The following TMOD1 variants were observed in gnomAD, a reference collection of about 807,000 sequenced individuals.
TMOD1 encodes tropomodulin 1.
TMOD1 carries 17 observed loss-of-function variants against 40.6 expected under a neutral mutation model. The ratio of observed to expected loss-of-function variants is 0.42; its 90% confidence interval spans 0.29 to 0.63. The LOEUF (loss-of-function observed/expected upper bound fraction) is 0.63. Among genes scored for constraint, TMOD1 ranks in the 20% least tolerant of loss-of-function variants. The probability of loss-of-function intolerance (pLI) is 0.22; values close to 1 mark genes in which losing one functional copy is unlikely to be tolerated. For synonymous variants in TMOD1, 181 were observed against 175.0 expected (o/e 1.03, Z -0.27); for missense variants, 391 against 447.6 (o/e 0.87, Z 1.14).
intron 7 of TMOD1, among the ~76,000 whole-genome samples, chr9:97,568,316 A>C (rs1295649995): frequency 6.6e-6 from 1 of 152,184 alleles, no homozygotes; most frequent in African/African-American, 2.4e-5. Flanking sequence ...GCCCACCAGG[A>C]GTATATAGTC....
At chr9:97,533,762 A>C (rs1406514977) in intron 2 of TMOD1, among the ~76,000 whole-genome samples, 8 of 152,272 alleles carry the variant, frequency 5.3e-5, no homozygotes, top group Non-Finnish European at 1.0e-4. Context: ...GTGGCCTCAC[A>C]GCCCTGGGCT....
intron 2 of TMOD1, among the ~76,000 whole-genome samples, chr9:97,542,969 G>A (rs1355509553): frequency 4.6e-5 from 7 of 152,196 alleles, no homozygotes; most frequent in Non-Finnish European, 8.8e-5. Flanking sequence ...CAGAAAGGCT[G>A]CTAAACAATC....
intron 2 of TMOD1, among the ~76,000 whole-genome samples, chr9:97,543,712 T>C (rs1830310047): frequency 6.6e-6 from 1 of 152,218 alleles, no homozygotes; most frequent in Non-Finnish European, 1.5e-5. Flanking sequence ...TAGTCACACA[T>C]TGATGTTTGC....
chr9:97,544,256 G>A (rs528365060), intron 2 of TMOD1, among the ~76,000 whole-genome samples: 1 of 152,290 alleles, frequency 6.6e-6, no homozygotes, highest in South Asian at 2.1e-4. Flanking sequence ...GCATTAGTTA[G>A]GCCAGATGTG....
intron 6 of TMOD1, among the ~76,000 whole-genome samples, chr9:97,565,481 C>G (rs1830712707): frequency 6.6e-6 from 1 of 152,174 alleles, no homozygotes; most frequent in East Asian, 1.9e-4. Flanking sequence ...ACAGAGACAC[C>G]TAGCAAGTCA....
chr9:97,539,971 C>CAA (rs34844299), intron 2 of TMOD1, among the ~76,000 whole-genome samples: 3,088 of 71,616 alleles, frequency 0.043, 143 homozygotes, highest in Non-Finnish European at 0.052. Flanking sequence ...GACTCTGTCT[C>CAA]AAAAAAAAAA....
intron 8 of TMOD1, among the ~76,000 whole-genome samples, chr9:97,589,253 A>G (rs1384897281): frequency 6.7e-6 from 1 of 148,514 alleles, no homozygotes. Context: ...TTGATCTTAT[A>G]TTCTGTAATT....
chr9:97,531,372 G>A (rs1268958729), intron 2 of TMOD1, among the ~76,000 whole-genome samples: 1 of 151,960 alleles, frequency 6.6e-6, no homozygotes, highest in African/African-American at 2.4e-5. Context: ...GCAGTTTTTG[G>A]GGCCAAGGCA....
At chr9:97,588,772 A>G (rs1366174349) in intron 8 of TMOD1, among the ~76,000 whole-genome samples, 1 of 152,172 alleles carries the variant, frequency 6.6e-6, no homozygotes, top group Non-Finnish European at 1.5e-5. Flanking sequence ...TCAATATATA[A>G]GTCTTTACTT....
chr9:97,581,117 T>C (rs1825742436), intron 8 of TMOD1, among the ~76,000 whole-genome samples: 1 of 148,548 alleles, frequency 6.7e-6, no homozygotes, highest in African/African-American at 2.5e-5. Flanking sequence ...TAGCATTAGG[T>C]ATATCTCCCG....
At chr9:97,578,900 T>A (rs1825677875) in intron 8 of TMOD1, among the ~76,000 whole-genome samples, 1 of 152,126 alleles carries the variant, frequency 6.6e-6, no homozygotes, top group African/African-American at 2.4e-5. Flanking sequence ...GCAAGAGACC[T>A]CAAGGAGAGG....
intron 3 of TMOD1, among the ~76,000 whole-genome samples, chr9:97,551,482 C>A (rs1830453668): frequency 1.3e-5 from 2 of 152,140 alleles, no homozygotes; most frequent in Admixed American, 1.3e-4. Context: ...ATTGAATGCA[C>A]CTTGCACCCT....
chr9:97,601,657 G>A lies in TMOD1; in HGVS notation c.*1959G>A. On this transcript the variant is annotated 3_prime_UTR_variant, in exon 10 of 10. Transcript: ENST00000259365. Reference sequence around the variant, plus strand: ...TTTCCGATTTTGCAGGCCACATAGTGTCTGTTGCAACTATTCAACTCTGCC... The same window carrying A: ...TTTCCGATTTTGCAGGCCACATAGTATCTGTTGCAACTATTCAACTCTGCC... The A allele has an allele frequency of 2.4e-6, 2 of 841,808 alleles. No individual in the cohort carries two copies. Among genetic ancestry groups the A allele is most frequent in the Non-Finnish European group, 2.9e-6 (2 of 698,300 alleles). 52.1% of individuals were successfully genotyped at this position (841,808 alleles called of 1,614,324 possible). A position where few individuals can be genotyped will look rare whatever the true frequency, so the allele number is the denominator to read the frequency against.
intron 3 of TMOD1, among the ~76,000 whole-genome samples, chr9:97,549,191 A>G (rs996410785): frequency 6.6e-6 from 1 of 152,252 alleles, no homozygotes; most frequent in Non-Finnish European, 1.5e-5. Context: ...GACTTAATCG[A>G]GGAATTTAAT....
rs1432157793 is a variant in TMOD1 at position 97,502,939 on chromosome 9, C to T, written c.-49+1136C>T. Reference sequence around the variant, plus strand: ...TCCTCCAACCTGCGCAGCGCCGCCCCCTCCTACACCCTTCACCCACCGCTA... The same window carrying T: ...TCCTCCAACCTGCGCAGCGCCGCCCTCTCCTACACCCTTCACCCACCGCTA... On this transcript the variant is annotated intron_variant, in intron 1 of 9. Coordinates refer to ENST00000259365, the MANE Select transcript of TMOD1 (RefSeq NM_003275.4). The surrounding 1 kb of genome is among the most constrained non-coding windows in gnomAD (Gnocchi z 6.1). Among the ~76,000 whole-genome samples the T allele has an allele frequency of 6.6e-6, 1 of 152,038 alleles. No homozygotes were observed. The highest frequency in any genetic ancestry group is 2.4e-5 in the African/African-American group (1 of 41,390).
intron 4 of TMOD1, among the ~76,000 whole-genome samples, chr9:97,558,363 G>A (rs186064833): frequency 6.2e-4 from 94 of 152,274 alleles, no homozygotes; most frequent in African/African-American, 2.2e-3. Flanking sequence ...TGGTTTTGGC[G>A]AACCATTTCC....
In TMOD1 at chr9:97,546,225, C is replaced by A; in HGVS notation, c.161C>A (p.Thr54Asn). The A allele has an allele frequency of 6.2e-7, 1 of 1,613,926 alleles. No individual in the cohort carries two copies. The highest frequency in any genetic ancestry group is 8.5e-7 in the Non-Finnish European group (1 of 1,179,976). The change falls in exon 3 of 10, where the codon ACC (threonine) becomes AAC (asparagine). Residue 54 changes from threonine (T) to asparagine (N), a missense_variant. Physicochemically the swap from Thr to Asn is moderately conservative, Grantham distance 65 (BLOSUM62 0). Transcript: ENST00000259365. ...GCAGGCCTGAGGCAGAAGGATCAGA[C>A]CACCAAGGCGCCCACGGGCCCCTTT... The part of the protein sequence containing the change: ...LPAGLRQKDQ[T>N]TKAPTGPFKR...
chr9:97,599,290 A>C (rs1283676902), intron 9 of TMOD1, among the ~76,000 whole-genome samples: 1 of 152,214 alleles, frequency 6.6e-6, no homozygotes, highest in Non-Finnish European at 1.5e-5. Context: ...CTCATTAAGA[A>C]GACTGACTAA....
At chr9:97,514,358 T>C (rs1829765724) in intron 1 of TMOD1, among the ~76,000 whole-genome samples, 1 of 151,720 alleles carries the variant, frequency 6.6e-6, no homozygotes, top group South Asian at 2.1e-4. Flanking sequence ...CCTCAAGTGA[T>C]CCGTCCGCCT....
Sources: allele counts gnomAD v4.1 joint callset (sites outside exome capture counted in the v4.1 genomes callset), GRCh38; gene constraint gnomAD v4.1.1; non-coding constraint Gnocchi (gnomAD v3.1); transcripts MANE v1.5; gene names NCBI Gene and HGNC (gene_info 2026-07-23, HGNC 2026-07-21).